CDKAL1: variants seen among roughly 807,000 people sequenced by gnomAD.
The protein encoded by CDKAL1 is threonylcarbamoyladenosine tRNA methylthiotransferase.
In CDKAL1, 32 loss-of-function variants were observed where a neutral mutation model predicts 68.2. The observed-to-expected ratio is 0.47, with a 90% CI of 0.35 to 0.63. CDKAL1 has a LOEUF of 0.63. Ranked by LOEUF, CDKAL1 falls within the 30% of genes least tolerant of loss-of-function variation. The pLI is 0.00. For synonymous variants in CDKAL1, 234 were observed against 244.3 expected, an observed-to-expected ratio of 0.96 and a Z score of 0.39; for missense variants, 606 against 696.7, an observed-to-expected ratio of 0.87 and a Z score of 1.47.
At chr6:21,120,509 A>G (rs1053911859) in intron 13 of CDKAL1, among the ~76,000 whole-genome samples, 1 of 152,322 alleles carries the variant, frequency 6.6e-6, no homozygotes, top group East Asian at 1.9e-4. Flanking sequence ...TTAATACCCT[A>G]TTCAAGGAAA....
intron 4 of CDKAL1, among the ~76,000 whole-genome samples, chr6:20,638,117 A>C (rs1018617596): frequency 5.3e-5 from 8 of 152,168 alleles, no homozygotes; most frequent in Non-Finnish European, 8.8e-5. Flanking sequence ...ATACTGTCAT[A>C]TTACCTCCTT....
chr6:20,750,115 T>C (rs1414742824), intron 6 of CDKAL1, among the ~76,000 whole-genome samples: 1 of 152,138 alleles, frequency 6.6e-6, no homozygotes, highest in Non-Finnish European at 1.5e-5. Context: ...GCAGGGATGT[T>C]GTATTTTTTG....
At chr6:21,219,621 C>A (rs1779462481) in intron 15 of CDKAL1, among the ~76,000 whole-genome samples, 1 of 152,186 alleles carries the variant, frequency 6.6e-6, no homozygotes, top group East Asian at 1.9e-4. Flanking sequence ...AAAGCACCTG[C>A]CGTCTCCTTT....
At chr6:20,671,209 A>G (rs1769799007) in intron 5 of CDKAL1, among the ~76,000 whole-genome samples, 1 of 152,096 alleles carries the variant, frequency 6.6e-6, no homozygotes, top group Non-Finnish European at 1.5e-5. Context: ...TATAATTTTC[A>G]CCATTCAGTA....
chr6:21,154,150 T>C (rs1720139165), intron 13 of CDKAL1, among the ~76,000 whole-genome samples: 1 of 151,966 alleles, frequency 6.6e-6, no homozygotes, highest in African/African-American at 2.4e-5. Context: ...TTAATGCATG[T>C]GGAAGAGGTT....
Position 20,537,085 on chromosome 6 carries a change from G to T in CDKAL1, c.-6+1691G>T, listed in dbSNP as rs1057148012. 1.2e-4 allele frequency among the ~76,000 whole-genome samples: 19 copies of T among 152,106 alleles called. No homozygotes were observed. The South Asian group carries it at 1.7e-3, about 13-fold the overall frequency. ...GACAGAGTCTCGCTCTGTCGCCCAGGCTGGAGTGCAGTGGCGTGATCTCGG... is the reference window on the plus strand; with the variant it reads ...GACAGAGTCTCGCTCTGTCGCCCAGTCTGGAGTGCAGTGGCGTGATCTCGG... On this transcript the variant is annotated intron_variant, in intron 2 of 15. Coordinates refer to ENST00000274695, the MANE Select transcript of CDKAL1 (RefSeq NM_017774.3).
At chr6:20,626,477 A>G (rs192476267) in intron 4 of CDKAL1, among the ~76,000 whole-genome samples, 56 of 152,288 alleles carry the variant, frequency 3.7e-4, no homozygotes, top group Admixed American at 2.0e-3. Flanking sequence ...ATATGTTATG[A>G]AAGTACTAAA....
intron 12 of CDKAL1, among the ~76,000 whole-genome samples, chr6:21,079,388 C>T (rs1772256463): frequency 6.6e-6 from 1 of 152,076 alleles, no homozygotes; most frequent in Non-Finnish European, 1.5e-5. Context: ...AATCAGAAAG[C>T]CCATTGAGAA....
intron 4 of CDKAL1, among the ~76,000 whole-genome samples, chr6:20,572,856 A>G (rs1764759790): frequency 6.6e-6 from 1 of 152,102 alleles, no homozygotes; most frequent in Non-Finnish European, 1.5e-5. Flanking sequence ...CCAATTTTTG[A>G]AAGTATAGTA....
At chr6:20,694,058 G>A (rs1171794267) in intron 5 of CDKAL1, among the ~76,000 whole-genome samples, 92 of 85,608 alleles carry the variant, frequency 1.1e-3, no homozygotes, top group African/African-American at 4.3e-3. Context: ...GTGTGTGTGT[G>A]TGTATGTGTG....
At chr6:20,824,038 G>A (rs1379822962) in intron 8 of CDKAL1, among the ~76,000 whole-genome samples, 1 of 152,084 alleles carries the variant, frequency 6.6e-6, no homozygotes, top group Non-Finnish European at 1.5e-5. Context: ...AGGATGGACT[G>A]TTATTATTAT....
Position 20,537,063 on chromosome 6 carries a change from A to G in CDKAL1, c.-6+1669A>G, listed in dbSNP as rs527813266. Among the ~76,000 whole-genome samples, 4 of 152,216 alleles carry G rather than the reference A, an allele frequency of 2.6e-5. No homozygotes were observed. The East Asian group carries it at 7.7e-4, about 29-fold the overall frequency. On this transcript the variant is annotated intron_variant, in intron 2 of 15. Coordinates refer to ENST00000274695, the MANE Select transcript of CDKAL1 (RefSeq NM_017774.3). ...TTTGTTTTTGTTTTTGTTTTGAGAC[A>G]GAGTCTCGCTCTGTCGCCCAGGCTG...
chr6:21,166,069 G>T (rs139046939), intron 13 of CDKAL1, among the ~76,000 whole-genome samples: 1 of 152,126 alleles, frequency 6.6e-6, no homozygotes, highest in African/African-American at 2.4e-5. Flanking sequence ...GAGTTGCTGT[G>T]AGCATTACAC....
chr6:20,714,505 C>G (rs1461845292), intron 5 of CDKAL1, among the ~76,000 whole-genome samples: 1 of 148,650 alleles, frequency 6.7e-6, no homozygotes, highest in African/African-American at 2.5e-5. Context: ...CCTCCCACTT[C>G]AGCCTCCCAA....
intron 9 of CDKAL1, among the ~76,000 whole-genome samples, chr6:20,876,878 C>T (rs1194935897): frequency 6.6e-6 from 1 of 152,194 alleles, no homozygotes; most frequent in East Asian, 1.9e-4. Context: ...AGCTACCTAT[C>T]TCCTCTCTTA....
At chr6:20,657,367 G>T (rs1457150557) in intron 5 of CDKAL1, among the ~76,000 whole-genome samples, 3 of 152,192 alleles carry the variant, frequency 2.0e-5, no homozygotes, top group Non-Finnish European at 2.9e-5. Context: ...ATTTACAGCA[G>T]TGGGGTGGGA....
In CDKAL1 at chr6:21,131,828, A is replaced by G. The variant is rs183277949; in HGVS notation, c.1299+23365A>G. On this transcript the variant is annotated intron_variant, in intron 13 of 15. Transcript: ENST00000274695. The stretch of plus-strand genomic sequence containing the variant: ...ATATTTTTTTAAAGGAATATAGTTT[A>G]CTTCTTTCAAATAATCCCACAAATT... Among the ~76,000 whole-genome samples, 3 of 152,294 alleles carry G rather than the reference A, an allele frequency of 2.0e-5. No homozygotes were observed. The East Asian group carries it at 5.8e-4, about 29-fold the overall frequency.
intron 9 of CDKAL1, among the ~76,000 whole-genome samples, chr6:20,865,265 G>A (rs1431420647): frequency 6.6e-6 from 1 of 152,130 alleles, no homozygotes; most frequent in Non-Finnish European, 1.5e-5. Flanking sequence ...ACTTGGTATT[G>A]CAAATGCATT....
intron 9 of CDKAL1, among the ~76,000 whole-genome samples, chr6:20,948,140 C>T (rs1764347179): frequency 6.6e-6 from 1 of 151,642 alleles, no homozygotes; most frequent in African/African-American, 2.4e-5. Flanking sequence ...CCTGAGCCTC[C>T]CAAATAGCTA....
Sources: gnomAD v4.1 joint callset for allele counts (sites outside exome capture counted in the v4.1 genomes callset) on GRCh38, gnomAD v4.1.1 for gene constraint, MANE v1.5 for transcripts, NCBI Gene and HGNC (gene_info 2026-07-23, HGNC 2026-07-21) for gene names.